The following PIM3 variants were observed in gnomAD, a reference collection of about 807,000 sequenced individuals.
PIM3 encodes Pim-3 proto-oncogene, serine/threonine kinase.
PIM3 carries 13 observed loss-of-function variants against 27.5 expected under a neutral mutation model. The ratio of observed to expected loss-of-function variants is 0.47; its 90% CI spans 0.31 to 0.75. The LOEUF is 0.75. Ranked by LOEUF, PIM3 falls within the 30% of genes least tolerant of loss-of-function variation. The pLI is 0.05. For missense variants in PIM3, 482 were observed against 476.9 expected (o/e 1.01, Z -0.10); for synonymous variants, 341 against 221.1 (o/e 1.54, Z -4.81).
At position 49,963,248 on chromosome 22, in the gene PIM3, C is replaced by CTGT; in HGVS notation, c.*121_*122insTGT. The CTGT allele has an allele frequency of 8.7e-7, 1 of 1,155,882 alleles. No individual in the cohort carries two copies. 71.6% of individuals were successfully genotyped at this position (1,155,882 alleles called of 1,614,324 possible). A position where few individuals can be genotyped will look rare whatever the true frequency, so the allele number is the denominator to read the frequency against. On this transcript the variant is annotated 3_prime_UTR_variant, in exon 6 of 6. Coordinates refer to ENST00000360612, the MANE Select transcript of PIM3 (RefSeq NM_001001852.4). ...CCTGCGGAAGCAGTGACCTCTGACC[C>CTGT]CTGGTGACCTTCGCTTTGAGTGCCT...
rs2060914513 is a variant in PIM3 at position 49,962,623 on chromosome 22, G to A, written c.617-66G>A. The A allele has an allele frequency of 2.6e-6, 4 of 1,517,806 alleles. No homozygotes were observed. The South Asian group carries it at 3.7e-5, about 14-fold the overall frequency. 94.0% of individuals were successfully genotyped at this position (1,517,806 alleles called of 1,614,324 possible). The stretch of plus-strand genomic sequence containing the variant: ...CTGAGGCCAGGGAGTTAACCAGCAG[G>A]GACCTCGCCGTCTGTTGAGCGGCTC... On this transcript the variant is annotated intron_variant, in intron 4 of 5. Transcript: ENST00000360612.
chr22:49,961,177 G>A lies in PIM3; in HGVS notation c.138G>A (p.Leu46=), dbSNP rs1251949824. The A allele has an allele frequency of 1.4e-5, 21 of 1,536,310 alleles. No homozygotes were observed. The East Asian group carries it at 3.8e-4, about 28-fold the overall frequency. Residue 46 remains leucine (L), a synonymous_variant, in exon 2 of 6, where the codon CTG becomes CTA. Coordinates refer to ENST00000360612, the MANE Select transcript of PIM3 (RefSeq NM_001001852.4). ...FEKAYQVGAV[L]GSGGFGTVYA... is the part of the protein sequence containing the mutation. Reference sequence around the variant, plus strand: ...AGGCGTACCAGGTGGGCGCCGTGCTGGGTAGCGGCGGCTTCGGCACGGTCT... The same window carrying A: ...AGGCGTACCAGGTGGGCGCCGTGCTAGGTAGCGGCGGCTTCGGCACGGTCT...
Position 49,963,205 on chromosome 22 carries a change from C to T in PIM3, c.*78C>T, listed in dbSNP as rs906549739. The T allele has an allele frequency of 5.0e-6, 7 of 1,404,822 alleles. No individual in the cohort carries two copies. The highest frequency in any genetic ancestry group is 4.7e-6 in the Non-Finnish European group (5 of 1,063,698). 87.0% of individuals were successfully genotyped at this position (1,404,822 alleles called of 1,614,324 possible). On this transcript the variant is annotated 3_prime_UTR_variant, in exon 6 of 6. Coordinates refer to ENST00000360612, the MANE Select transcript of PIM3 (RefSeq NM_001001852.4). The stretch of plus-strand genomic sequence containing the variant: ...GACGCCCCCAGACCCTGACTTTCTC[C>T]TGCGTGGGCCGTCTCCTCCTGCGGA...
Position 49,963,136 on chromosome 22 carries a change from A to C in PIM3, c.*9A>C. On this transcript the variant is annotated 3_prime_UTR_variant, in exon 6 of 6. Transcript: ENST00000360612. ...GCAGCGAGAGCTTGTGAGGAGCTGC[A>C]CCTGACTGGGAGCTAGGGGACCACC... 6.3e-7 allele frequency: 1 copy of C among 1,580,568 alleles called. No homozygotes were observed. Among genetic ancestry groups the C allele is most frequent in the South Asian group, 1.1e-5 (1 of 87,764 alleles).
In PIM3 at chr22:49,962,932, C is replaced by T. The variant is rs368530413; in HGVS notation, c.794-8C>T. 8.8e-5 allele frequency: 141 copies of T among 1,601,760 alleles called. No homozygotes were observed. The highest frequency in any genetic ancestry group is 1.2e-4 in the Non-Finnish European group (140 of 1,177,034). On this transcript the variant is annotated splice_region_variant and splice_polypyrimidine_tract_variant and intron_variant, in intron 5 of 5. Transcript: ENST00000360612. Reference sequence around the variant, plus strand: ...TTGGGCCCTCCCTGACCTCTCCGCTCCGCACAGAGTGCCAGCAGCTGATCC... The same window carrying T: ...TTGGGCCCTCCCTGACCTCTCCGCTTCGCACAGAGTGCCAGCAGCTGATCC...
intron 3 of PIM3, 36 bp from the exon 4 acceptor site, chr22:49,961,406 G>A (rs549103646): frequency 3.4e-5 from 48 of 1,419,670 alleles, no homozygotes; most frequent in East Asian, 1.5e-4. Context: ...GGCGGGGGGC[G>A]GGCGCGGGGC....
chr22:49,961,753 G>A lies in PIM3; in HGVS notation c.558G>A (p.Lys186=), dbSNP rs1367149759. The change falls in exon 4 of 6, where the codon AAG becomes AAA. Residue 186 remains lysine (K), a synonymous_variant. Transcript: ENST00000360612. ...LLVDLRSGEL[K]LIDFGSGALL... is the part of the protein sequence containing the mutation. ...TGGACCTGCGCTCCGGAGAGCTCAA[G>A]CTCATCGACTTCGGTTCGGGTGCGC... The A allele has an allele frequency of 2.5e-6, 4 of 1,611,816 alleles. No homozygotes were observed. The highest frequency in any genetic ancestry group is 2.7e-5 in the African/African-American group (2 of 74,792).
In PIM3 at chr22:49,961,163, G is replaced by C; in HGVS notation, c.124G>C (p.Val42Leu). 2 of 1,531,928 alleles carry C rather than the reference G, an allele frequency of 1.3e-6. No homozygotes were observed. The highest frequency in any genetic ancestry group is 1.7e-6 in the Non-Finnish European group (2 of 1,143,094). 94.9% of individuals were successfully genotyped at this position (1,531,928 alleles called of 1,614,324 possible). Residue 42 changes from valine to leucine, a missense_variant, in exon 2 of 6, where the codon GTG becomes CTG. Val to Leu is a conservative substitution (Grantham distance 32). Transcript: ENST00000360612. ...DKESFEKAYQ[V>L]GAVLGSGGFG... ...GGAGAGCTTCGAGAAGGCGTACCAGGTGGGCGCCGTGCTGGGTAGCGGCGG... is the reference window on the plus strand; with the variant it reads ...GGAGAGCTTCGAGAAGGCGTACCAGCTGGGCGCCGTGCTGGGTAGCGGCGG...
In PIM3 at chr22:49,961,054, C is replaced by T. The variant is rs761218416; in HGVS notation, c.85+22C>T. The T allele has an allele frequency of 3.0e-6, 4 of 1,332,972 alleles. No homozygotes were observed. The Admixed American group carries it at 9.9e-5, about 33-fold the overall frequency. The allele number at this position is 1,332,972 out of a possible 1,614,324, so 82.6% of individuals were successfully genotyped here. A position where few individuals can be genotyped will look rare whatever the true frequency, so the allele number is the denominator to read the frequency against. ...CCAGGTACGCGCGGGGCCGGCGGGG[C>T]CGGGGCCGGGGCCAGGGCGGGGACC... On this transcript the variant is annotated intron_variant, in intron 1 of 5. Transcript: ENST00000360612.
rs1341143011 is a variant in PIM3 at position 49,961,023 on chromosome 22, C to T, written c.76C>T (p.Leu26=). 2.9e-6 allele frequency: 4 copies of T among 1,379,506 alleles called. No homozygotes were observed. The African/African-American group carries it at 6.0e-5, about 21-fold the overall frequency. The allele number at this position is 1,379,506 out of a possible 1,614,324, so 85.5% of individuals were successfully genotyped here. The part of the protein sequence containing the change: ...GGVDHLPVKI[L]QPAKADKESF... Reference sequence around the variant, plus strand: ...CGTGGACCACCTCCCGGTGAAGATCCTGCAGCCAGGTACGCGCGGGGCCGG... The same window carrying T: ...CGTGGACCACCTCCCGGTGAAGATCTTGCAGCCAGGTACGCGCGGGGCCGG... Residue 26 remains leucine, a synonymous_variant, in exon 1 of 6, where the codon CTG becomes TTG. Coordinates refer to ENST00000360612, the MANE Select transcript of PIM3 (RefSeq NM_001001852.4).
chr22:49,960,793 G>A lies in PIM3; in HGVS notation c.-155G>A, dbSNP rs2060901485. 3.3e-6 allele frequency: 1 copy of A among 299,728 alleles called. No individual in the cohort carries two copies. The highest frequency in any genetic ancestry group is 5.1e-6 in the Non-Finnish European group (1 of 196,296). 18.6% of individuals were successfully genotyped at this position (299,728 alleles called of 1,614,324 possible). On this transcript the variant is annotated 5_prime_UTR_variant, in exon 1 of 6. Transcript: ENST00000360612. ...GGGCGGGTGAGGCGCTCCGCCTGCT[G>A]CGCGTCTACGCGGTCCCCGCGGGCC...
chr22:49,963,261 G>T lies in PIM3; in HGVS notation c.*134G>T, dbSNP rs2060918939. ...TGACCTCTGACCCCTGGTGACCTTCGCTTTGAGTGCCTTTTGAACGCTGGT... is the reference window on the plus strand; with the variant it reads ...TGACCTCTGACCCCTGGTGACCTTCTCTTTGAGTGCCTTTTGAACGCTGGT... On this transcript the variant is annotated 3_prime_UTR_variant, in exon 6 of 6. Transcript: ENST00000360612. The T allele has an allele frequency of 9.9e-7, 1 of 1,005,316 alleles. No individual in the cohort carries two copies. Among genetic ancestry groups the T allele is most frequent in the South Asian group, 1.8e-5 (1 of 55,980 alleles). The allele number at this position is 1,005,316 out of a possible 1,614,324, so 62.3% of individuals were successfully genotyped here.
rs1346646970 is a variant in PIM3 at position 49,961,110 on chromosome 22, C to G, written c.86-15C>G. ...CGCCCCGGGCCGCACCAACCCCGCCCGCGCCTCCCTGCAGCCAAGGCGGAC... is the reference window on the plus strand; with the variant it reads ...CGCCCCGGGCCGCACCAACCCCGCCGGCGCCTCCCTGCAGCCAAGGCGGAC... On this transcript the variant is annotated splice_polypyrimidine_tract_variant and intron_variant, in intron 1 of 5. Coordinates refer to ENST00000360612, the MANE Select transcript of PIM3 (RefSeq NM_001001852.4). 6.8e-7 allele frequency: 1 copy of G among 1,464,050 alleles called. No homozygotes were observed. Among genetic ancestry groups the G allele is most frequent in the Non-Finnish European group, 9.0e-7 (1 of 1,105,902 alleles). 90.7% of individuals were successfully genotyped at this position (1,464,050 alleles called of 1,614,324 possible).
In PIM3 at chr22:49,961,383, G is replaced by GGGC. The variant is rs763375767; in HGVS notation, c.246+30_246+32dup. 80 of 1,464,284 alleles carry GGGC rather than the reference G, an allele frequency of 5.5e-5. No homozygotes were observed. The highest frequency in any genetic ancestry group is 4.5e-4 in the Middle Eastern group (2 of 4,448). The allele number at this position is 1,464,284 out of a possible 1,614,324, so 90.7% of individuals were successfully genotyped here. A position where few individuals can be genotyped will look rare whatever the true frequency, so the allele number is the denominator to read the frequency against. On this transcript the variant is annotated intron_variant, in intron 3 of 5. Transcript: ENST00000360612. ...GGGGCAGCCTGGTAAGTTGGGGCAC[G>GGGC]GGCGGCGGCGGCGGCGGGGGGCGGG...
At chr22:49,962,604 C>G in intron 4 of PIM3, 85 bp from the exon 5 acceptor site, 1 of 1,436,864 alleles carries the variant, frequency 7.0e-7, no homozygotes, top group Non-Finnish European at 9.4e-7. Flanking sequence ...GTTACTGAGG[C>G]CAGGGAGTTA....
chr22:49,962,308 C>T (rs964057933), intron 4 of PIM3, among the ~76,000 whole-genome samples: 6 of 151,260 alleles, frequency 4.0e-5, no homozygotes, highest in African/African-American at 1.5e-4. Context: ...CTTGGGGAAG[C>T]CGGGGCTCCC....
rs1186321542 is a variant in PIM3, at chr22:49,963,879, T to A, written c.*752T>A. 6.6e-6 allele frequency: 1 copy of A among 152,400 alleles called. No individual in the cohort carries two copies. Among genetic ancestry groups the A allele is most frequent in the Non-Finnish European group, 1.5e-5 (1 of 68,072 alleles). The allele number at this position is 152,400 out of a possible 1,614,324, so 9.4% of individuals were successfully genotyped here. A position where few individuals can be genotyped will look rare whatever the true frequency, so the allele number is the denominator to read the frequency against. Reference sequence around the variant, plus strand: ...GGTTTGGGTTTTAAATTATTGACTTTGTACAGTCTGCTTGTGGGCTCTGAA... The same window carrying A: ...GGTTTGGGTTTTAAATTATTGACTTAGTACAGTCTGCTTGTGGGCTCTGAA... On this transcript the variant is annotated 3_prime_UTR_variant, in exon 6 of 6. Coordinates refer to ENST00000360612, the MANE Select transcript of PIM3 (RefSeq NM_001001852.4).
Position 49,961,377 on chromosome 22 carries a change from G to T in PIM3, c.246+9G>T. The T allele has an allele frequency of 6.7e-7, 1 of 1,483,494 alleles. No individual in the cohort carries two copies. Among genetic ancestry groups the T allele is most frequent in the Non-Finnish European group, 8.9e-7 (1 of 1,123,278 alleles). The allele number at this position is 1,483,494 out of a possible 1,614,324, so 91.9% of individuals were successfully genotyped here. On this transcript the variant is annotated intron_variant, in intron 3 of 5. Coordinates refer to ENST00000360612, the MANE Select transcript of PIM3 (RefSeq NM_001001852.4). ...CCGAGTGGGGCAGCCTGGTAAGTTGGGGCACGGGCGGCGGCGGCGGCGGGG... is the reference window on the plus strand; with the variant it reads ...CCGAGTGGGGCAGCCTGGTAAGTTGTGGCACGGGCGGCGGCGGCGGCGGGG...
At position 49,960,944 on chromosome 22, in the gene PIM3, C is replaced by T. The variant is rs1399192078; in HGVS notation, c.-4C>T. 2 of 1,330,490 alleles carry T rather than the reference C, an allele frequency of 1.5e-6. No individual in the cohort carries two copies. The highest frequency in any genetic ancestry group is 1.9e-6 in the Non-Finnish European group (2 of 1,031,386). 82.4% of individuals were successfully genotyped at this position (1,330,490 alleles called of 1,614,324 possible). On this transcript the variant is annotated 5_prime_UTR_variant, in exon 1 of 6. Coordinates refer to ENST00000360612, the MANE Select transcript of PIM3 (RefSeq NM_001001852.4). ...TCGGGGCTCCGGGGAGGCCGTCGCC[C>T]GCGATGCTGCTCTCCAAGTTCGGCT... is the stretch of plus-strand genomic sequence containing the variant.
Sources: allele counts gnomAD v4.1 joint callset (sites outside exome capture counted in the v4.1 genomes callset), GRCh38; gene constraint gnomAD v4.1.1; transcripts MANE v1.5; gene names NCBI Gene and HGNC (gene_info 2026-07-23, HGNC 2026-07-21).